The following SYNE3 variants were observed in gnomAD, a reference collection of about 807,000 sequenced individuals.
SYNE3 encodes the protein spectrin repeat containing nuclear envelope family member 3.
In SYNE3, 100 loss-of-function variants were observed where a neutral mutation model predicts 111.2. That is an observed-to-expected ratio of 0.90 (90% CI 0.77 to 1.06). SYNE3 has a LOEUF of 1.06. SYNE3 is among the 50% of genes least tolerant of loss of function. The pLI, the probability that SYNE3 is intolerant of heterozygous loss-of-function variation, is 0.00. For synonymous variants in SYNE3, 547 were observed against 533.9 expected (o/e 1.02, Z -0.34); for missense variants, 1,160 against 1,240.3 (o/e 0.94, Z 0.97).
Position 95,415,280 on chromosome 14 carries a change from C to CT in SYNE3, c.*2545_*2546insA, listed in dbSNP as rs1903544540. On this transcript the variant is annotated 3_prime_UTR_variant, in exon 18 of 18. Coordinates refer to ENST00000682763, the MANE Select transcript of SYNE3 (RefSeq NM_152592.6). Reference sequence around the variant, plus strand: ...GGAAAGTGGACACCTGGCAAGGCCCCCCCACCCACCCACCCTGCCACTGCT... The same window carrying CT: ...GGAAAGTGGACACCTGGCAAGGCCCCTCCCACCCACCCACCCTGCCACTGCT... The CT allele has an allele frequency of 6.8e-6, 1 of 147,312 alleles. No homozygotes were observed. Among genetic ancestry groups the CT allele is most frequent in the Non-Finnish European group, 1.5e-5 (1 of 66,578 alleles). 9.1% of individuals were successfully genotyped at this position (147,312 alleles called of 1,614,324 possible). A position where few individuals can be genotyped will look rare whatever the true frequency, so the allele number is the denominator to read the frequency against.
intron 3 of SYNE3, 130 bp from the exon 4 acceptor site, chr14:95,466,370 C>T (rs1888177401): frequency 9.3e-7 from 1 of 1,072,564 alleles, no homozygotes; most frequent in Non-Finnish European, 1.3e-6. Context: ...CCCTTTCTGG[C>T]CTCTGAGTCA....
At chr14:95,452,915 G>C (rs565844697) in intron 6 of SYNE3, among the ~76,000 whole-genome samples, 1 of 152,316 alleles carries the variant, frequency 6.6e-6, no homozygotes, top group East Asian at 1.9e-4. Flanking sequence ...AGGCCTAGAA[G>C]CTATTTGCAT....
At chr14:95,442,367 G>A (rs183038767) in intron 11 of SYNE3, among the ~76,000 whole-genome samples, 12 of 152,284 alleles carry the variant, frequency 7.9e-5, no homozygotes, top group African/African-American at 2.6e-4. Context: ...TTTCCTGGGT[G>A]GGTATATTCC....
chr14:95,460,011 C>A (rs191165564), intron 4 of SYNE3, among the ~76,000 whole-genome samples: 1 of 151,358 alleles, frequency 6.6e-6, no homozygotes. Context: ...GCAGGAGGAT[C>A]GCTTGAGCCC....
chr14:95,497,365 T>G (rs1595257200), intron 1 of SYNE3, among the ~76,000 whole-genome samples: 1 of 152,188 alleles, frequency 6.6e-6, no homozygotes, highest in Non-Finnish European at 1.5e-5. Context: ...TTCATATTGG[T>G]AAAGTGCTTA....
chr14:95,444,303 C>G (rs1329063361), intron 10 of SYNE3, 182 bp downstream of exon 10: 10 of 773,198 alleles, frequency 1.3e-5, no homozygotes, highest in Non-Finnish European at 1.7e-5. Flanking sequence ...TGTTTGAGGT[C>G]AGGAACCATC....
chr14:95,449,413 C>G lies in SYNE3; in HGVS notation c.1449+518G>C, dbSNP rs77045960. The G allele has an allele frequency of 1.6e-3, 1,581 of 985,292 alleles. 36 individuals carry two copies. The East Asian group carries it at 0.078, about 49-fold the overall frequency. 61.0% of individuals were successfully genotyped at this position (985,292 alleles called of 1,614,324 possible). A position where few individuals can be genotyped will look rare whatever the true frequency, so the allele number is the denominator to read the frequency against. On this transcript the variant is annotated intron_variant, in intron 8 of 17. Transcript: ENST00000682763. ...GAGAGAGCCCTGTGCATCCGCGGCT[C>G]CATCCGGAGCCAGTTGTTGTTCATG...
At chr14:95,422,205 G>A (rs189504587) in intron 17 of SYNE3, among the ~76,000 whole-genome samples, 172 of 151,840 alleles carry the variant, frequency 1.1e-3, no homozygotes, top group African/African-American at 3.5e-3. Flanking sequence ...TGCTGTCTGC[G>A]AGCTGTTCTC....
At chr14:95,493,558 C>T (rs1310054278) in intron 1 of SYNE3, among the ~76,000 whole-genome samples, 2 of 152,196 alleles carry the variant, frequency 1.3e-5, no homozygotes, top group African/African-American at 4.8e-5. Context: ...ATATAAATGA[C>T]ATGAAATTTT....
intron 15 of SYNE3, among the ~76,000 whole-genome samples, chr14:95,435,269 A>G (rs1400122453): frequency 6.6e-6 from 1 of 152,112 alleles, no homozygotes; most frequent in African/African-American, 2.4e-5. Flanking sequence ...AAAATGATAG[A>G]GTAGATTATT....
chr14:95,504,752 G>C (rs186856723), intron 1 of SYNE3, among the ~76,000 whole-genome samples: 3 of 152,148 alleles, frequency 2.0e-5, no homozygotes, highest in Admixed American at 2.0e-4. Flanking sequence ...AGGCCAAGGA[G>C]GGAGGATCAC....
intron 1 of SYNE3, among the ~76,000 whole-genome samples, chr14:95,512,813 A>G (rs6575517): frequency 0.075 from 11,318 of 150,600 alleles, 1,309 homozygotes; most frequent in African/African-American, 0.25. Flanking sequence ...ATCCGAGATC[A>G]GGCCACTGCA....
At chr14:95,490,667 G>A (rs1889805503) in intron 1 of SYNE3, among the ~76,000 whole-genome samples, 1 of 152,234 alleles carries the variant, frequency 6.6e-6, no homozygotes, top group African/African-American at 2.4e-5. Context: ...TGTAAGTCAA[G>A]TAAGAGCTGC....
At chr14:95,425,809 A>T (rs1314316267) in intron 17 of SYNE3, among the ~76,000 whole-genome samples, 6 of 152,252 alleles carry the variant, frequency 3.9e-5, no homozygotes, top group African/African-American at 1.4e-4. Flanking sequence ...ACAGCTTAAA[A>T]TTTTAAAATA....
rs571527309 is a variant in SYNE3 at position 95,483,035 on chromosome 14, G to A, written c.-14-7200C>T. On this transcript the variant is annotated intron_variant, in intron 1 of 17. Coordinates refer to ENST00000682763, the MANE Select transcript of SYNE3 (RefSeq NM_152592.6). ...CCCACTGGTAACTGCCGAGTTCCAGGAAGGTAACTCCAGGGCAGGAATCTA... is the reference window on the plus strand; with the variant it reads ...CCCACTGGTAACTGCCGAGTTCCAGAAAGGTAACTCCAGGGCAGGAATCTA... Among the ~76,000 whole-genome samples, 720 of 152,256 alleles carry A rather than the reference G, an allele frequency of 4.7e-3. 2 individuals are homozygous for A. The highest frequency in any genetic ancestry group is 0.023 in the South Asian group (110 of 4,824).
intron 1 of SYNE3, among the ~76,000 whole-genome samples, chr14:95,496,045 C>CG (rs1890079920): frequency 6.6e-6 from 1 of 152,156 alleles, no homozygotes; most frequent in Non-Finnish European, 1.5e-5. Context: ...TCAGAGGGGC[C>CG]GGGAGAAGAT....
At position 95,409,138 on chromosome 14, in the gene SYNE3, G is replaced by C. The variant is rs570372426; in HGVS notation, c.*8688C>G. The C allele has an allele frequency of 4.2e-5, 19 of 456,674 alleles. No homozygotes were observed. In the Middle Eastern group the frequency reaches 9.8e-4, roughly 23 times the overall value. The allele number at this position is 456,674 out of a possible 1,614,324, so 28.3% of individuals were successfully genotyped here. On this transcript the variant is annotated 3_prime_UTR_variant, in exon 18 of 18. Transcript: ENST00000682763. ...GAAAGGAAAGCAACTGAGGCCCAGG[G>C]AACATTCCATAGAGTGGAGCACTGG...
At chr14:95,495,449 C>T (rs967990411) in intron 1 of SYNE3, among the ~76,000 whole-genome samples, 5 of 152,232 alleles carry the variant, frequency 3.3e-5, no homozygotes, top group African/African-American at 9.6e-5. Flanking sequence ...CCAAAGGAGA[C>T]TCCTGTTGGT....
chr14:95,429,780 G>A (rs570409267), intron 17 of SYNE3, among the ~76,000 whole-genome samples: 2 of 152,248 alleles, frequency 1.3e-5, no homozygotes, highest in African/African-American at 2.4e-5. Flanking sequence ...ACACCTCAGG[G>A]CTACATGGAT....
Sources: allele counts gnomAD v4.1 joint callset (sites outside exome capture counted in the v4.1 genomes callset), GRCh38; gene constraint gnomAD v4.1.1; transcripts MANE v1.5; gene names NCBI Gene and HGNC (gene_info 2026-07-23, HGNC 2026-07-21).